The following PIWIL1 variants were observed in gnomAD, a reference collection of about 807,000 sequenced individuals.
PIWIL1 encodes the protein piwi-like protein 1.
Under a neutral mutation model 114.4 loss-of-function variants are expected in PIWIL1, and 73 were observed. The observed-to-expected ratio is 0.64, with a 90% CI of 0.53 to 0.78. The LOEUF is 0.78. PIWIL1 is among the 30% of genes least tolerant of loss of function. The probability of loss-of-function intolerance (pLI) is 0.00; values close to 1 mark genes in which losing one functional copy is unlikely to be tolerated. For synonymous variants in PIWIL1, 375 were observed against 369.0 expected, an observed-to-expected ratio of 1.02 and a Z score of -0.19; for missense variants, 723 against 1,063.1, an observed-to-expected ratio of 0.68 and a Z score of 4.45.
the PIWIL1 span, among the ~76,000 whole-genome samples, chr12:130,389,809 A>G: frequency 3.0e-4 from 46 of 152,226 alleles, no homozygotes; most frequent in African/African-American, 1.1e-3. Flanking sequence ...TAAGTTCATT[A>G]GTGTGTCTTT....
At chr12:130,341,592 T>C (rs1265546690) in intron 1 of PIWIL1, among the ~76,000 whole-genome samples, 1 of 152,268 alleles carries the variant, frequency 6.6e-6, no homozygotes, top group Non-Finnish European at 1.5e-5. Flanking sequence ...CCATTAGGGC[T>C]AATGTTTGTT....
the PIWIL1 span, chr12:130,424,583 G>A: frequency 1.3e-4 from 155 of 1,231,952 alleles, no homozygotes; most frequent in African/African-American, 5.9e-4. This position sits in a 1 kb window ranked among gnomAD's most constrained non-coding sequence, Gnocchi z 9.8. Flanking sequence ...AGTCCTCCAC[G>A]TGGGGGACGG....
At chr12:130,405,266 A>AAAGT in the PIWIL1 span, among the ~76,000 whole-genome samples, 1 of 152,354 alleles carries the variant, frequency 6.6e-6, no homozygotes. Context: ...CACATGTGAC[A>AAAGT]AAGTATGAAT....
intron 1 of PIWIL1, 88 bp from the exon 2 acceptor site, chr12:130,342,492 A>T (rs1448036198): frequency 2.1e-5 from 16 of 769,592 alleles, no homozygotes; most frequent in Non-Finnish European, 2.7e-5. Context: ...TACTTTTGAA[A>T]CTCAAAGAAG....
chr12:130,358,966 C>G (rs1328190172), intron 14 of PIWIL1, among the ~76,000 whole-genome samples: 1 of 152,246 alleles, frequency 6.6e-6, no homozygotes, highest in East Asian at 1.9e-4. Context: ...CTCTCATGCA[C>G]ACACCCCTGC....
intron 19 of PIWIL1, among the ~76,000 whole-genome samples, chr12:130,369,020 A>G (rs2073746285): frequency 1.3e-5 from 2 of 152,048 alleles, no homozygotes; most frequent in South Asian, 2.1e-4. Flanking sequence ...TAGCTCATGC[A>G]TTAGCTATTT....
chr12:130,400,194 C>G, the PIWIL1 span, among the ~76,000 whole-genome samples: 2 of 152,154 alleles, frequency 1.3e-5, no homozygotes, highest in African/African-American at 4.8e-5. Context: ...GCTCAGCACA[C>G]CAGCCCAGAC....
chr12:130,348,140 A>G lies in PIWIL1; in HGVS notation c.691A>G (p.Asn231Asp), dbSNP rs1436376585. 1 of 1,609,888 alleles carries G rather than the reference A, an allele frequency of 6.2e-7. No individual in the cohort carries two copies. The highest frequency in any genetic ancestry group is 1.7e-5 in the Admixed American group (1 of 59,800). Residue 231 changes from asparagine (N) to aspartate (D), a missense_variant, in exon 7 of 21, where the codon AAT becomes GAT. Physicochemically the swap from Asn to Asp is conservative, Grantham distance 23. Transcript: ENST00000245255. ...CATGAATTTGCAACAAATTGGACGA[A>G]ATTATTATAACCCAAATGACCCAAT... The part of the protein sequence containing the change: ...KIMNLQQIGR[N>D]YYNPNDPIDI...
the PIWIL1 span, among the ~76,000 whole-genome samples, chr12:130,422,010 C>T: frequency 6.6e-6 from 1 of 152,298 alleles, no homozygotes; most frequent in African/African-American, 2.4e-5. The surrounding 1 kb of genome is among the most constrained non-coding windows in gnomAD (Gnocchi z 5.2). Context: ...TGCACGGTGT[C>T]CCCCAGGATT....
chr12:130,370,097 G>A (rs1349885376), intron 19 of PIWIL1, among the ~76,000 whole-genome samples: 1 of 152,152 alleles, frequency 6.6e-6, no homozygotes, highest in Non-Finnish European at 1.5e-5. Context: ...TGAAAAGGTA[G>A]CTATACCATC....
At chr12:130,342,781 G>C in intron 2 of PIWIL1, 112 bp downstream of exon 2, 1 of 844,672 alleles carries the variant, frequency 1.2e-6, no homozygotes, top group Non-Finnish European at 1.9e-6. Flanking sequence ...AGTGAGCAAG[G>C]GAGATCATGC....
chr12:130,364,017 C>T (rs186405715), intron 18 of PIWIL1, among the ~76,000 whole-genome samples: 1 of 152,270 alleles, frequency 6.6e-6, no homozygotes, highest in Non-Finnish European at 1.5e-5. Context: ...TCTTCCTCTG[C>T]TCTCCTACAG....
chr12:130,351,322 A>T (rs1299536078), intron 9 of PIWIL1: 1 of 152,120 alleles, frequency 6.6e-6, no homozygotes, highest in Non-Finnish European at 1.5e-5. Context: ...TATCATACTT[A>T]GGAGCTCTGC....
At chr12:130,357,876 G>C (rs2073407807) in intron 14 of PIWIL1, among the ~76,000 whole-genome samples, 1 of 152,156 alleles carries the variant, frequency 6.6e-6, no homozygotes, top group Non-Finnish European at 1.5e-5. Context: ...ATCAGCTGTT[G>C]TTCGGCACAC....
At chr12:130,362,107 T>C (rs1202915224) in intron 16 of PIWIL1, among the ~76,000 whole-genome samples, 1 of 152,220 alleles carries the variant, frequency 6.6e-6, no homozygotes, top group Non-Finnish European at 1.5e-5. Flanking sequence ...CAGGAGTGCA[T>C]GTGCAGGTTT....
chr12:130,353,477 T>C (rs537733500), intron 9 of PIWIL1, among the ~76,000 whole-genome samples: 2 of 151,892 alleles, frequency 1.3e-5, no homozygotes, highest in African/African-American at 4.8e-5. Context: ...GCTAAGAAAA[T>C]CTGTTTTTGG....
the PIWIL1 span, chr12:130,397,971 T>A: frequency 1.3e-5 from 2 of 153,532 alleles, no homozygotes; most frequent in Non-Finnish European, 2.9e-5. Context: ...TATAAAATCC[T>A]GATATTGTTA....
intron 14 of PIWIL1, among the ~76,000 whole-genome samples, chr12:130,358,956 C>G (rs1281252232): frequency 1.3e-5 from 2 of 152,158 alleles, no homozygotes; most frequent in East Asian, 3.9e-4. Context: ...CTCATCCTCT[C>G]TCTCATGCAC....
At chr12:130,420,880 A>G in the PIWIL1 span, 1 of 152,132 alleles carries the variant, frequency 6.6e-6, no homozygotes, top group Admixed American at 6.6e-5. The surrounding 1 kb of genome is among the most constrained non-coding windows in gnomAD (Gnocchi z 4.3). Context: ...GGAGTAGAAG[A>G]CCTACCATGC....
Sources: gnomAD v4.1 joint callset for allele counts (sites outside exome capture counted in the v4.1 genomes callset) on GRCh38, gnomAD v4.1.1 for gene constraint, Gnocchi (gnomAD v3.1) non-coding constraint, MANE v1.5 for transcripts, NCBI Gene and HGNC (gene_info 2026-07-23, HGNC 2026-07-21) for gene names.